Variants in FZD6 observed in about 807,000 individuals in gnomAD.
FZD6 encodes the protein frizzled class receptor 6.
A neutral mutation model predicts 61.4 loss-of-function variants in FZD6; 49 were observed. The ratio of observed to expected loss-of-function variants is 0.80; its 90% CI spans 0.63 to 1.01. The LOEUF (loss-of-function observed/expected upper bound fraction) is 1.01, where lower values mean the gene tolerates loss of function less well. FZD6 is among the 50% of genes least tolerant of loss of function. FZD6 has a pLI of 0.00. For missense variants in FZD6, 724 were observed against 848.2 expected, an observed-to-expected ratio of 0.85 and a Z score of 1.82; for synonymous variants, 265 against 292.2, an observed-to-expected ratio of 0.91 and a Z score of 0.95.
chr8:103,325,567 T>C, intron 4 of FZD6, 69 bp downstream of exon 4: 2 of 1,263,150 alleles, frequency 1.6e-6, no homozygotes, highest in South Asian at 2.4e-5. Flanking sequence ...GGAAATATAC[T>C]TGTCATGGAT....
At chr8:103,320,211 G>A (rs1814744109) in intron 3 of FZD6, among the ~76,000 whole-genome samples, 1 of 152,212 alleles carries the variant, frequency 6.6e-6, no homozygotes, top group Non-Finnish European at 1.5e-5. Flanking sequence ...TTGTGAGTCT[G>A]GGAAAGAAGG....
chr8:103,322,538 ACTTATGAATGAATGTATC>A (rs1814821747), intron 3 of FZD6, among the ~76,000 whole-genome samples: 2 of 152,192 alleles, frequency 1.3e-5, no homozygotes, highest in Admixed American at 1.3e-4. Flanking sequence ...AGCACAATTA[ACTTATGAATGAATGTATC>A]CATTCACTGA....
At chr8:103,331,079 A>G (rs1815111149) in intron 6 of FZD6, among the ~76,000 whole-genome samples, 1 of 152,172 alleles carries the variant, frequency 6.6e-6, no homozygotes, top group Non-Finnish European at 1.5e-5. Flanking sequence ...CGGGAGGCTG[A>G]GGCAGGAGAA....
At chr8:103,305,020 C>T (rs1202379680) in intron 2 of FZD6, among the ~76,000 whole-genome samples, 1 of 152,118 alleles carries the variant, frequency 6.6e-6, no homozygotes, top group Non-Finnish European at 1.5e-5. Flanking sequence ...TGCATAGTAA[C>T]GGGGCTTTGT....
rs776136233 is a variant in FZD6, at chr8:103,318,740, A to T, written c.328A>T (p.Ile110Phe). 1.9e-6 allele frequency: 3 copies of T among 1,611,914 alleles called. No homozygotes were observed. The highest frequency in any genetic ancestry group is 2.5e-6 in the Non-Finnish European group (3 of 1,178,080). ...AGTATATTCTGATTGCAAAAAATTA[A>T]TTGACACTTTTGGGATCCGATGGCC... ...EKVYSDCKKL[I>F]DTFGIRWPEE... is the part of the protein sequence containing the mutation. Residue 110 changes from isoleucine to phenylalanine, a missense_variant, in exon 3 of 7, where the codon ATT (isoleucine) becomes TTT (phenylalanine). Transcript: ENST00000358755.
intron 6 of FZD6, among the ~76,000 whole-genome samples, chr8:103,330,314 C>T (rs944581385): frequency 6.6e-6 from 1 of 152,146 alleles, no homozygotes; most frequent in African/African-American, 2.4e-5. Flanking sequence ...GTTCCTTGTA[C>T]ATTTAAGTAA....
At chr8:103,312,033 ATACTC>A (rs1425645504) in intron 2 of FZD6, among the ~76,000 whole-genome samples, 2 of 152,202 alleles carry the variant, frequency 1.3e-5, no homozygotes, top group African/African-American at 4.8e-5. Flanking sequence ...ATTATAGAAA[ATACTC>A]TATGTATTTT....
At chr8:103,302,790 C>G (rs1350938871) in intron 2 of FZD6, among the ~76,000 whole-genome samples, 1 of 152,074 alleles carries the variant, frequency 6.6e-6, no homozygotes, top group African/African-American at 2.4e-5. Flanking sequence ...GCCTTGAATA[C>G]AAAGTCTTGT....
intron 2 of FZD6, among the ~76,000 whole-genome samples, chr8:103,309,368 A>C (rs919805793): frequency 6.6e-6 from 1 of 152,186 alleles, no homozygotes; most frequent in African/African-American, 2.4e-5. Context: ...GAGCTTTACT[A>C]TTTGCTACAG....
intron 2 of FZD6, among the ~76,000 whole-genome samples, chr8:103,316,616 A>G (rs1328250473): frequency 6.6e-6 from 1 of 152,236 alleles, no homozygotes; most frequent in East Asian, 1.9e-4. Context: ...TCTACTCTCT[A>G]AATGTTTGGG....
rs544769924 is a variant in FZD6 at position 103,303,883 on chromosome 8, C to T, written c.177+3599C>T. On this transcript the variant is annotated intron_variant, in intron 2 of 6. Coordinates refer to ENST00000358755, the MANE Select transcript of FZD6 (RefSeq NM_003506.4). The stretch of plus-strand genomic sequence containing the variant: ...GTTATTTATATGAAGTAAAGGAATT[C>T]AACTTTTGATCGGACCGTTGGATTA... Among the ~76,000 whole-genome samples, 4 of 151,630 alleles carry T rather than the reference C, an allele frequency of 2.6e-5. No individual in the cohort carries two copies. In the East Asian group the frequency reaches 7.7e-4, roughly 29 times the overall value.
intron 3 of FZD6, 79 bp from the exon 4 acceptor site, chr8:103,324,401 TA>T: frequency 1.3e-6 from 1 of 752,678 alleles, no homozygotes; most frequent in Non-Finnish European, 2.2e-6. Flanking sequence ...GGTAATATTT[TA>T]TAGTTGGAAA....
At chr8:103,314,853 A>G (rs11998139) in intron 2 of FZD6, among the ~76,000 whole-genome samples, 9,877 of 152,132 alleles carry the variant, frequency 0.065, 426 homozygotes, top group African/African-American at 0.11. Context: ...TTATAGTTTT[A>G]TTGCTTTTTG....
At chr8:103,316,220 C>CAATG (rs1814622588) in intron 2 of FZD6, among the ~76,000 whole-genome samples, 1 of 152,094 alleles carries the variant, frequency 6.6e-6, no homozygotes, top group African/African-American at 2.4e-5. Flanking sequence ...TTTTATGTAA[C>CAATG]AATGTCTGAC....
chr8:103,324,838 A>G lies in FZD6; in HGVS notation c.732A>G (p.Val244=). The G allele has an allele frequency of 1.9e-6, 3 of 1,613,684 alleles. No homozygotes were observed. Among genetic ancestry groups the G allele is most frequent in the Middle Eastern group, 1.6e-4 (1 of 6,062 alleles). ...IIYYSVCYSI[V]SLMYFIGFLL... ...ATTACTCTGTCTGTTACAGCATTGT[A>G]TCTCTTATGTACTTCATTGGATTTT... Residue 244 remains valine (V), a synonymous_variant, in exon 4 of 7, where the codon GTA becomes GTG. Transcript: ENST00000358755.
At chr8:103,311,507 G>A (rs563174125) in intron 2 of FZD6, among the ~76,000 whole-genome samples, 1 of 152,102 alleles carries the variant, frequency 6.6e-6, no homozygotes, top group African/African-American at 2.4e-5. Flanking sequence ...GGAGGCTGAG[G>A]CAGGAGAATC....
rs1814918413 is a variant in FZD6 at position 103,325,302 on chromosome 8, TCATACAACATG to T, written c.1197_1207del (p.Ile400TrpfsTer35). On this transcript the variant is annotated frameshift_variant, in exon 4 of 7. Transcript: ENST00000358755. LOFTEE classifies it high-confidence loss of function. ...ATTTCCTTAAATCATGTTCGACAAG[TCATACAACATG>T]ATGGCCGGAACCAAGAAAAACTAAA... 2 of 1,614,160 alleles carry T rather than the reference TCATACAACATG, an allele frequency of 1.2e-6. No individual in the cohort carries two copies. Among genetic ancestry groups the T allele is most frequent in the Non-Finnish European group, 1.7e-6 (2 of 1,179,956 alleles).
intron 2 of FZD6, 78 bp from the exon 3 acceptor site, chr8:103,318,512 A>ACT: frequency 1.2e-6 from 1 of 855,116 alleles, no homozygotes. Flanking sequence ...AAAAGCATAT[A>ACT]CTTTAAACAG....
chr8:103,305,358 A>T (rs370837343), intron 2 of FZD6, among the ~76,000 whole-genome samples: 1 of 152,238 alleles, frequency 6.6e-6, no homozygotes, highest in Non-Finnish European at 1.5e-5. Flanking sequence ...ACCTGTTAAT[A>T]TGTGCTGTTA....
Sources: allele counts gnomAD v4.1 joint callset (sites outside exome capture counted in the v4.1 genomes callset), GRCh38; gene constraint gnomAD v4.1.1; transcripts MANE v1.5; gene names NCBI Gene and HGNC (gene_info 2026-07-23, HGNC 2026-07-21).